The following SLC25A33 variants were observed in gnomAD, a reference collection of about 807,000 sequenced individuals.
SLC25A33 encodes solute carrier family 25 member 33.
A neutral mutation model predicts 35.5 loss-of-function variants in SLC25A33; 15 were observed. The observed-to-expected ratio is 0.42, with a 90% confidence interval of 0.28 to 0.65. The LOEUF (loss-of-function observed/expected upper bound fraction) is 0.65. Among genes scored for constraint, SLC25A33 ranks in the 30% least tolerant of loss-of-function variants. The pLI is 0.20. For synonymous variants in SLC25A33, 136 were observed against 148.7 expected (o/e 0.91, Z 0.62); for missense variants, 257 against 398.5 (o/e 0.64, Z 3.02).
intron 2 of SLC25A33, among the ~76,000 whole-genome samples, chr1:9,561,633 A>G (rs1643425519): frequency 6.6e-6 from 1 of 152,210 alleles, no homozygotes; most frequent in South Asian, 2.1e-4. Flanking sequence ...AACTATGGAG[A>G]CCGCCTTTCT....
At chr1:9,557,442 C>G (rs1167663496) in intron 2 of SLC25A33, among the ~76,000 whole-genome samples, 3 of 151,976 alleles carry the variant, frequency 2.0e-5, no homozygotes, top group African/African-American at 4.8e-5. Flanking sequence ...GCCTGTATTC[C>G]TAGCACTTTG....
rs1643782805 is a variant in SLC25A33 at position 9,584,480 on chromosome 1, G to C, written c.*1979G>C. The C allele has an allele frequency of 1.3e-5, 2 of 152,202 alleles. No homozygotes were observed. Among genetic ancestry groups the C allele is most frequent in the South Asian group, 4.1e-4 (2 of 4,836 alleles). 9.4% of individuals were successfully genotyped at this position (152,202 alleles called of 1,614,324 possible). A position where few individuals can be genotyped will look rare whatever the true frequency, so the allele number is the denominator to read the frequency against. The stretch of plus-strand genomic sequence containing the variant: ...AGTGGCACAATCTCGGCTCACTACA[G>C]CCTCCACCTCCCGGTTTCAAGCAAT... On this transcript the variant is annotated 3_prime_UTR_variant, in exon 7 of 7. Coordinates refer to ENST00000302692, the MANE Select transcript of SLC25A33 (RefSeq NM_032315.3).
intron 5 of SLC25A33, among the ~76,000 whole-genome samples, chr1:9,577,579 G>C (rs1643679091): frequency 2.0e-5 from 3 of 152,160 alleles, no homozygotes; most frequent in Non-Finnish European, 2.9e-5. Context: ...ATCTGCGCTG[G>C]AGAAGGGAGT....
chr1:9,559,118 T>C (rs1014986990), intron 2 of SLC25A33, among the ~76,000 whole-genome samples: 3 of 152,194 alleles, frequency 2.0e-5, no homozygotes, highest in African/African-American at 4.8e-5. Flanking sequence ...GAAGACCCTA[T>C]AGTGACCATG....
At chr1:9,549,031 G>A (rs1019918250) in intron 1 of SLC25A33, among the ~76,000 whole-genome samples, 4 of 152,212 alleles carry the variant, frequency 2.6e-5, no homozygotes, top group Non-Finnish European at 5.9e-5. Context: ...TACAGATTGA[G>A]AGAGCTTGTA....
At position 9,582,172 on chromosome 1, in the gene SLC25A33, C is replaced by T; in HGVS notation, c.764-127C>T. On this transcript the variant is annotated intron_variant, in intron 6 of 6. Transcript: ENST00000302692. The surrounding 1 kb of genome is among the most constrained non-coding windows in gnomAD (Gnocchi z 4.0). ...CAAGTGATCCACCCGCCTCGGCCTCCCAAAGTTCTGGGATTACAGGTGTGA... is the reference window on the plus strand; with the variant it reads ...CAAGTGATCCACCCGCCTCGGCCTCTCAAAGTTCTGGGATTACAGGTGTGA... 1 of 983,908 alleles carries T rather than the reference C, an allele frequency of 1.0e-6. No homozygotes were observed. The highest frequency in any genetic ancestry group is 2.3e-5 in the Admixed American group (1 of 44,104). The allele number at this position is 983,908 out of a possible 1,614,324, so 60.9% of individuals were successfully genotyped here.
At chr1:9,579,868 A>AC (rs1424087826) in intron 5 of SLC25A33, 86 bp from the exon 6 acceptor site, 7 of 1,433,476 alleles carry the variant, frequency 4.9e-6, no homozygotes, top group African/African-American at 1.4e-5. Flanking sequence ...CATAAGGAAG[A>AC]CCCGTACCTG....
chr1:9,544,429 C>T (rs1276443282), intron 1 of SLC25A33, among the ~76,000 whole-genome samples: 4 of 151,762 alleles, frequency 2.6e-5, no homozygotes, highest in Admixed American at 6.6e-5. Context: ...CCACCATGCC[C>T]GGCTGTTTTT....
intron 2 of SLC25A33, among the ~76,000 whole-genome samples, chr1:9,557,540 A>T (rs767173581): frequency 6.6e-6 from 1 of 152,114 alleles, no homozygotes; most frequent in Non-Finnish European, 1.5e-5. Flanking sequence ...CTCTACAAAA[A>T]ATACAAAAAA....
chr1:9,556,863 G>A (rs1233121151), intron 2 of SLC25A33, among the ~76,000 whole-genome samples: 2 of 152,078 alleles, frequency 1.3e-5, no homozygotes, highest in African/African-American at 2.4e-5. Flanking sequence ...CAGTCCCACC[G>A]GCTTCATTGG....
intron 1 of SLC25A33, among the ~76,000 whole-genome samples, chr1:9,548,366 G>C (rs1020229289): frequency 6.6e-6 from 1 of 152,190 alleles, no homozygotes; most frequent in Non-Finnish European, 1.5e-5. Context: ...CGCATCTCCT[G>C]AGGTCAGAAG....
At chr1:9,550,011 A>ATATATGT (rs754618497) in intron 1 of SLC25A33, among the ~76,000 whole-genome samples, 8 of 48,866 alleles carry the variant, frequency 1.6e-4, no homozygotes, top group African/African-American at 6.3e-4. Flanking sequence ...ATATATATAT[A>ATATATGT]TTTTTTTTTT....
chr1:9,559,223 T>TG (rs1419412609), intron 2 of SLC25A33, among the ~76,000 whole-genome samples: 1 of 152,188 alleles, frequency 6.6e-6, no homozygotes, highest in African/African-American at 2.4e-5. Context: ...ACAGTGTAGT[T>TG]TACTTATTTC....
At chr1:9,579,476 C>G (rs951829883) in intron 5 of SLC25A33, among the ~76,000 whole-genome samples, 5 of 152,116 alleles carry the variant, frequency 3.3e-5, no homozygotes, top group Non-Finnish European at 7.4e-5. Context: ...TTAATGTTTA[C>G]TGGTTTGTTA....
Position 9,562,467 on chromosome 1 carries a change from T to C in SLC25A33, c.237-4817T>C, listed in dbSNP as rs149448160. Among the ~76,000 whole-genome samples the C allele has an allele frequency of 5.2e-3, 787 of 152,054 alleles. 20 individuals carry two copies. Among genetic ancestry groups the C allele is most frequent in the Admixed American group, 0.033 (508 of 15,264 alleles). Reference sequence around the variant, plus strand: ...GGAGGCAGAGGTTGTATGGGATCACTTAAAAGGGCCTGGGCTTAACACCTG... The same window carrying C: ...GGAGGCAGAGGTTGTATGGGATCACCTAAAAGGGCCTGGGCTTAACACCTG... On this transcript the variant is annotated intron_variant, in intron 2 of 6. Coordinates refer to ENST00000302692, the MANE Select transcript of SLC25A33 (RefSeq NM_032315.3).
At chr1:9,554,416 A>G (rs564539011) in intron 2 of SLC25A33, among the ~76,000 whole-genome samples, 23 of 152,254 alleles carry the variant, frequency 1.5e-4, no homozygotes, top group African/African-American at 4.8e-4. Context: ...CTGGAGTGCA[A>G]TGGCACAATC....
chr1:9,552,175 T>C (rs1643275279), intron 1 of SLC25A33, among the ~76,000 whole-genome samples: 2 of 152,190 alleles, frequency 1.3e-5, no homozygotes, highest in Admixed American at 6.6e-5. Flanking sequence ...ACTGATTAGT[T>C]GTGAATGAGG....
At chr1:9,559,973 TG>T (rs903433832) in intron 2 of SLC25A33, among the ~76,000 whole-genome samples, 23 of 152,266 alleles carry the variant, frequency 1.5e-4, no homozygotes, top group African/African-American at 5.5e-4. Flanking sequence ...CATACAAGGC[TG>T]GGCGCAGTGG....
At chr1:9,566,287 T>C (rs893752565) in intron 2 of SLC25A33, among the ~76,000 whole-genome samples, 11 of 152,154 alleles carry the variant, frequency 7.2e-5, no homozygotes, top group Admixed American at 1.3e-4. Context: ...GTGATCCTCC[T>C]ACCTGGACCT....
Sources: allele counts gnomAD v4.1 joint callset (sites outside exome capture counted in the v4.1 genomes callset), GRCh38; gene constraint gnomAD v4.1.1; non-coding constraint Gnocchi (gnomAD v3.1); transcripts MANE v1.5; gene names NCBI Gene and HGNC (gene_info 2026-07-23, HGNC 2026-07-21).